The following KCNB2 variants were observed in gnomAD, a reference collection of about 807,000 sequenced individuals.
KCNB2 encodes the protein potassium voltage-gated channel subfamily B member 2, also known as delayed rectifier potassium channel protein.
Under a neutral mutation model 61.5 loss-of-function variants are expected in KCNB2, and 15 were observed. The ratio of observed to expected loss-of-function variants is 0.24; its 90% CI spans 0.16 to 0.38. KCNB2 has a LOEUF of 0.38. Ranked by LOEUF, KCNB2 falls within the 10% of genes least tolerant of loss-of-function variation. The pLI is 1.00. For missense variants in KCNB2, 828 were observed against 1,125.2 expected, an observed-to-expected ratio of 0.74 and a Z score of 3.78; for synonymous variants, 457 against 446.0, an observed-to-expected ratio of 1.02 and a Z score of -0.31.
chr8:72,565,758 C>T (rs778567422), intron 1 of KCNB2, among the ~76,000 whole-genome samples: 1 of 152,070 alleles, frequency 6.6e-6, no homozygotes, highest in Admixed American at 6.6e-5. Context: ...ATCCCAATAA[C>T]TCCATTTTTG....
At chr8:72,841,201 A>G (rs1809877576) in intron 2 of KCNB2, among the ~76,000 whole-genome samples, 1 of 152,026 alleles carries the variant, frequency 6.6e-6, no homozygotes, top group South Asian at 2.1e-4. Flanking sequence ...TTTGTCAAAG[A>G]TCAGATGGTT....
At chr8:72,648,393 G>A (rs1402785682) in intron 2 of KCNB2, among the ~76,000 whole-genome samples, 4 of 152,022 alleles carry the variant, frequency 2.6e-5, no homozygotes, top group East Asian at 1.9e-4. Context: ...CACCTCAGCC[G>A]CCTGAGTAGC....
chr8:72,862,936 G>A (rs1805444932), intron 2 of KCNB2, among the ~76,000 whole-genome samples: 1 of 152,182 alleles, frequency 6.6e-6, no homozygotes, highest in African/African-American at 2.4e-5. Context: ...AAAGTTCGGA[G>A]ACATTAAGCC....
intron 2 of KCNB2, among the ~76,000 whole-genome samples, chr8:72,817,544 C>G (rs1563393833): frequency 1.3e-5 from 2 of 152,154 alleles, no homozygotes; most frequent in African/African-American, 4.8e-5. Context: ...GTCATCATTT[C>G]TCAACTTCTT....
At chr8:72,839,596 CTTCTTTTTTTT>C (rs1809843035) in intron 2 of KCNB2, among the ~76,000 whole-genome samples, 2 of 108,602 alleles carry the variant, frequency 1.8e-5, no homozygotes, top group Non-Finnish European at 3.6e-5. Flanking sequence ...CTTTGAAAGG[CTTCTTTTTTTT>C]TTTTTTTTTT....
intron 2 of KCNB2, among the ~76,000 whole-genome samples, chr8:72,593,121 G>A (rs1807127711): frequency 6.6e-6 from 1 of 152,172 alleles, no homozygotes; most frequent in African/African-American, 2.4e-5. Context: ...CTGATAGTCA[G>A]TGGTTGTAAT....
At chr8:72,784,901 G>A (rs1194236625) in intron 2 of KCNB2, among the ~76,000 whole-genome samples, 3 of 152,132 alleles carry the variant, frequency 2.0e-5, no homozygotes, top group African/African-American at 7.2e-5. Flanking sequence ...TTTGTTGAAG[G>A]AGAAAGGAAC....
At chr8:72,894,718 A>AATT (rs2129006132) in intron 2 of KCNB2, among the ~76,000 whole-genome samples, 1 of 151,274 alleles carries the variant, frequency 6.6e-6, no homozygotes, top group Admixed American at 6.6e-5. Flanking sequence ...ATTTCCCAAT[A>AATT]GCTTTACATG....
rs1323206599 is a variant in KCNB2, at chr8:72,844,033, G to A, written c.580-91902G>A. Among the ~76,000 whole-genome samples, 6 of 152,102 alleles carry A rather than the reference G, an allele frequency of 3.9e-5. No individual in the cohort carries two copies. In the South Asian group the frequency reaches 8.3e-4, roughly 21 times the overall value. On this transcript the variant is annotated intron_variant, in intron 2 of 2. Transcript: ENST00000523207. Reference sequence around the variant, plus strand: ...GTTGATGCGGTTTCTTCATAGTGTTGATGGTCTTTACAATTTGGTATGTTT... The same window carrying A: ...GTTGATGCGGTTTCTTCATAGTGTTAATGGTCTTTACAATTTGGTATGTTT...
At chr8:72,724,651 G>A (rs1317068861) in intron 2 of KCNB2, among the ~76,000 whole-genome samples, 2 of 152,018 alleles carry the variant, frequency 1.3e-5, no homozygotes, top group African/African-American at 2.4e-5. Flanking sequence ...AGTATGTCTC[G>A]AATACTGCAT....
intron 2 of KCNB2, among the ~76,000 whole-genome samples, chr8:72,851,840 A>AAAAAAAAAAAAAAAAAAAAAAC (rs1554538995): frequency 3.0e-5 from 4 of 134,462 alleles, no homozygotes; most frequent in Admixed American, 7.5e-5. Flanking sequence ...AAAAAAAAAA[A>AAAAAAAAAAAAAAAAAAAAAAC]AAAAAAAACA....
At chr8:72,790,493 G>A (rs374295133) in intron 2 of KCNB2, among the ~76,000 whole-genome samples, 9 of 152,114 alleles carry the variant, frequency 5.9e-5, no homozygotes, top group South Asian at 4.1e-4. Context: ...CAGAAGTGGC[G>A]TCGTTAGAAT....
At chr8:72,904,466 T>A (rs567589114) in intron 2 of KCNB2, among the ~76,000 whole-genome samples, 1 of 152,044 alleles carries the variant, frequency 6.6e-6, no homozygotes, top group Non-Finnish European at 1.5e-5. Context: ...CCATGGCACA[T>A]GTTTACCTAT....
At chr8:72,802,167 G>C (rs563306662) in intron 2 of KCNB2, among the ~76,000 whole-genome samples, 1 of 152,222 alleles carries the variant, frequency 6.6e-6, no homozygotes, top group South Asian at 2.1e-4. Flanking sequence ...CAGCTGTTAC[G>C]TTCTACCACA....
intron 2 of KCNB2, among the ~76,000 whole-genome samples, chr8:72,725,589 A>G (rs796437634): frequency 5.1e-4 from 33 of 64,282 alleles, no homozygotes; most frequent in African/African-American, 2.3e-3. Context: ...ATATATATGT[A>G]TGTATATATA....
chr8:72,689,106 A>T (rs1392628802), intron 2 of KCNB2, among the ~76,000 whole-genome samples: 2 of 152,182 alleles, frequency 1.3e-5, no homozygotes, highest in Non-Finnish European at 2.9e-5. Flanking sequence ...TAAATGGTAT[A>T]GATGGAAGTA....
intron 2 of KCNB2, among the ~76,000 whole-genome samples, chr8:72,590,288 C>G (rs1019252250): frequency 9.2e-5 from 14 of 151,994 alleles, no homozygotes; most frequent in African/African-American, 3.4e-4. Context: ...TGAATTTTAC[C>G]AAATCCAAAA....
intron 2 of KCNB2, among the ~76,000 whole-genome samples, chr8:72,649,658 A>G (rs952352626): frequency 2.0e-5 from 3 of 152,172 alleles, no homozygotes; most frequent in Non-Finnish European, 2.9e-5. Flanking sequence ...AGATACTTCC[A>G]TGATGGGAAG....
At chr8:72,749,663 G>A (rs575655580) in intron 2 of KCNB2, among the ~76,000 whole-genome samples, 1 of 149,262 alleles carries the variant, frequency 6.7e-6, no homozygotes, top group African/African-American at 2.4e-5. Context: ...CCATGATATT[G>A]CTTTAAAAGA....
Sources: allele counts gnomAD v4.1 joint callset (sites outside exome capture counted in the v4.1 genomes callset), GRCh38; gene constraint gnomAD v4.1.1; transcripts MANE v1.5; gene names NCBI Gene and HGNC (gene_info 2026-07-23, HGNC 2026-07-21).